Variants in FRMD4A observed in about 807,000 individuals in gnomAD.
FRMD4A encodes FERM domain-containing protein 4A.
Under a neutral mutation model 129.1 loss-of-function variants are expected in FRMD4A, and 29 were observed. That is an observed-to-expected ratio of 0.22 (90% CI 0.17 to 0.31). The LOEUF (loss-of-function observed/expected upper bound fraction) is 0.31, where lower values mean the gene tolerates loss of function less well. Among genes scored for constraint, FRMD4A ranks in the 10% least tolerant of loss-of-function variants. FRMD4A has a pLI of 1.00. For synonymous variants in FRMD4A, 634 were observed against 571.6 expected (o/e 1.11, Z -1.56); for missense variants, 1,272 against 1,375.8 (o/e 0.92, Z 1.19).
At chr10:14,127,220 A>G (rs1456671715) in intron 2 of FRMD4A, among the ~76,000 whole-genome samples, 1 of 152,214 alleles carries the variant, frequency 6.6e-6, no homozygotes, top group Non-Finnish European at 1.5e-5. Context: ...TGGAGGTGGA[A>G]GCTGGCCCGT....
intron 13 of FRMD4A, among the ~76,000 whole-genome samples, chr10:13,701,796 G>A (rs556506903): frequency 6.6e-6 from 1 of 152,288 alleles, no homozygotes; most frequent in Admixed American, 6.5e-5. Context: ...ACTTGGCACT[G>A]GGCCAAGACA....
intron 2 of FRMD4A, among the ~76,000 whole-genome samples, chr10:14,097,859 A>T (rs1465759504): frequency 6.8e-6 from 1 of 148,054 alleles, no homozygotes; most frequent in East Asian, 1.9e-4. Context: ...ATATGTCAAT[A>T]ATAATTTATA....
At chr10:14,010,438 T>C (rs950449013) in intron 2 of FRMD4A, among the ~76,000 whole-genome samples, 2 of 152,114 alleles carry the variant, frequency 1.3e-5, no homozygotes, top group African/African-American at 4.8e-5. Context: ...GTCTCACACA[T>C]TCCACATCCT....
intron 2 of FRMD4A, among the ~76,000 whole-genome samples, chr10:13,939,406 A>G (rs528827622): frequency 6.7e-4 from 102 of 152,358 alleles, no homozygotes; most frequent in African/African-American, 2.4e-3. Flanking sequence ...GAAGCATTTT[A>G]GCTTGGCCAG....
chr10:13,998,337 A>G (rs1308834576), intron 2 of FRMD4A, among the ~76,000 whole-genome samples: 3 of 152,170 alleles, frequency 2.0e-5, no homozygotes, highest in African/African-American at 7.2e-5. Flanking sequence ...CAAACTGCTC[A>G]TCTGTCATCA....
At chr10:14,216,668 C>G (rs1156630768) in intron 2 of FRMD4A, among the ~76,000 whole-genome samples, 1 of 152,028 alleles carries the variant, frequency 6.6e-6, no homozygotes, top group African/African-American at 2.4e-5. Flanking sequence ...AAGTCCTTCT[C>G]CTTGATTTTC....
intron 12 of FRMD4A, among the ~76,000 whole-genome samples, chr10:13,731,703 T>C (rs545537319): frequency 6.6e-6 from 1 of 152,098 alleles, no homozygotes; most frequent in South Asian, 2.1e-4. Flanking sequence ...TGTTTAGGGT[T>C]CTGCTTGACC....
intron 3 of FRMD4A, among the ~76,000 whole-genome samples, chr10:13,838,492 C>T (rs73583968): frequency 1.3e-5 from 2 of 151,510 alleles, no homozygotes; most frequent in Admixed American, 6.6e-5. Context: ...TTTCTTCCCC[C>T]TCCCTCCCTT....
At chr10:14,005,309 A>C (rs990319162) in intron 2 of FRMD4A, among the ~76,000 whole-genome samples, 1 of 152,186 alleles carries the variant, frequency 6.6e-6, no homozygotes, top group African/African-American at 2.4e-5. Context: ...GGTGTGAGCC[A>C]TCACACCCAG....
intron 2 of FRMD4A, among the ~76,000 whole-genome samples, chr10:14,116,501 G>T (rs1371137718): frequency 6.6e-6 from 1 of 152,100 alleles, no homozygotes; most frequent in Non-Finnish European, 1.5e-5. Flanking sequence ...TTGCCTTGGG[G>T]TCCACCAAGT....
intron 2 of FRMD4A, among the ~76,000 whole-genome samples, chr10:13,866,604 G>A (rs576928824): frequency 1.1e-4 from 16 of 152,124 alleles, no homozygotes; most frequent in Non-Finnish European, 1.8e-4. Context: ...TGAATGTCAC[G>A]CAGTTACAGC....
chr10:14,151,845 G>T (rs1295896389), intron 2 of FRMD4A, among the ~76,000 whole-genome samples: 4 of 152,000 alleles, frequency 2.6e-5, no homozygotes, highest in Non-Finnish European at 2.9e-5. Context: ...AGGGCAGCAG[G>T]CCCCTGTTCC....
intron 7 of FRMD4A, 89 bp downstream of exon 7, chr10:13,762,535 A>C: frequency 1.3e-6 from 1 of 759,422 alleles, no homozygotes; most frequent in East Asian, 2.5e-5. Context: ...TAGTGAGTAG[A>C]TACAGCTACT....
rs2088303515 is a variant in FRMD4A, at chr10:13,713,817, ATAAT to A, written c.760-6708_760-6705del. Among the ~76,000 whole-genome samples, 10 of 100,228 alleles carry A rather than the reference ATAAT, an allele frequency of 1.0e-4. 2 individuals are homozygous for A. The highest frequency in any genetic ancestry group is 9.4e-5 in the Non-Finnish European group (5 of 52,958). 65.8% of individuals were successfully genotyped at this position (100,228 alleles called of 152,430 possible). On this transcript the variant is annotated intron_variant, in intron 12 of 24. Transcript: ENST00000357447. ...ATATGTAATATATATACACATATATATAATATATATACATATATGTAATATATAT... is the reference window on the plus strand; with the variant it reads ...ATATGTAATATATATACACATATATAATATATACATATATGTAATATATAT...
At chr10:13,683,859 G>A (rs149007981) in intron 15 of FRMD4A, among the ~76,000 whole-genome samples, 128 of 151,926 alleles carry the variant, frequency 8.4e-4, no homozygotes, top group African/African-American at 2.9e-3. Flanking sequence ...ATTATAGTGC[G>A]CCACCATGCC....
At chr10:13,989,143 G>T (rs761375439) in intron 2 of FRMD4A, among the ~76,000 whole-genome samples, 2 of 152,066 alleles carry the variant, frequency 1.3e-5, no homozygotes, top group Non-Finnish European at 2.9e-5. Context: ...GGGGGTCTCA[G>T]TCTTCCAGCC....
At chr10:13,752,639 C>T (rs2091681565) in intron 8 of FRMD4A, among the ~76,000 whole-genome samples, 1 of 152,166 alleles carries the variant, frequency 6.6e-6, no homozygotes, top group South Asian at 2.1e-4. Context: ...CAGAAAGGAA[C>T]AGCCTGCAAT....
chr10:13,875,789 C>T (rs1013541274), intron 2 of FRMD4A, among the ~76,000 whole-genome samples: 6 of 152,262 alleles, frequency 3.9e-5, no homozygotes, highest in African/African-American at 1.4e-4. Context: ...GGTAGCGTGA[C>T]CATACAACCT....
At chr10:13,853,523 C>G (rs193231474) in intron 3 of FRMD4A, among the ~76,000 whole-genome samples, 1 of 151,724 alleles carries the variant, frequency 6.6e-6, no homozygotes, top group Admixed American at 6.6e-5. Context: ...GTTGATAGAG[C>G]GAGACCCTGC....
Sources: gnomAD v4.1 joint callset for allele counts (sites outside exome capture counted in the v4.1 genomes callset) on GRCh38, gnomAD v4.1.1 for gene constraint, MANE v1.5 for transcripts, NCBI Gene and HGNC (gene_info 2026-07-23, HGNC 2026-07-21) for gene names.